CCDC88C: variants seen among roughly 807,000 people sequenced by gnomAD.
CCDC88C encodes the protein protein Daple.
CCDC88C carries 131 observed loss-of-function variants against 198.8 expected under a neutral mutation model. The ratio of observed to expected loss-of-function variants is 0.66; its 90% confidence interval spans 0.57 to 0.76. CCDC88C has a LOEUF of 0.76. Ranked by LOEUF, CCDC88C falls within the 30% of genes least tolerant of loss-of-function variation. The pLI is 0.00. For synonymous variants in CCDC88C, 1,166 were observed against 1,114.7 expected (o/e 1.05, Z -0.92); for missense variants, 2,553 against 2,631.6 (o/e 0.97, Z 0.65).
At chr14:91,382,755 CAG>C (rs1884884997) in intron 3 of CCDC88C, among the ~76,000 whole-genome samples, 1 of 152,192 alleles carries the variant, frequency 6.6e-6, no homozygotes, top group Non-Finnish European at 1.5e-5. Flanking sequence ...ATTTTTGGCA[CAG>C]ACTCAAGCGA....
At chr14:91,295,032 G>A (rs191690155) in intron 22 of CCDC88C, among the ~76,000 whole-genome samples, 8 of 152,254 alleles carry the variant, frequency 5.3e-5, no homozygotes, top group East Asian at 1.9e-4. Flanking sequence ...ATTCCAATAC[G>A]CGACTATGAG....
chr14:91,311,232 G>A (rs1292585496), intron 15 of CCDC88C, among the ~76,000 whole-genome samples: 3 of 152,330 alleles, frequency 2.0e-5, no homozygotes, highest in East Asian at 1.9e-4. Context: ...GTTGGCTATC[G>A]TAGCACAGCC....
chr14:91,409,157 A>G (rs1886669989), intron 2 of CCDC88C, among the ~76,000 whole-genome samples: 2 of 150,510 alleles, frequency 1.3e-5, no homozygotes, highest in African/African-American at 2.5e-5. Context: ...TATGTGAAAT[A>G]TCAAGAAAGA....
intron 3 of CCDC88C, among the ~76,000 whole-genome samples, chr14:91,405,322 G>A (rs1214150390): frequency 6.6e-6 from 1 of 152,148 alleles, no homozygotes; most frequent in Non-Finnish European, 1.5e-5. Flanking sequence ...GCCAGAATGC[G>A]CGACCTTGAT....
At chr14:91,415,234 T>C (rs145029812) in intron 2 of CCDC88C, among the ~76,000 whole-genome samples, 1 of 152,066 alleles carries the variant, frequency 6.6e-6, no homozygotes, top group South Asian at 2.1e-4. Flanking sequence ...CGAGACAGCT[T>C]CCGGAAAACT....
chr14:91,321,603 G>A (rs2139821612), intron 12 of CCDC88C, among the ~76,000 whole-genome samples: 1 of 152,328 alleles, frequency 6.6e-6, no homozygotes, highest in African/African-American at 2.4e-5. Flanking sequence ...TGGCTATCAG[G>A]CTGCTATCCT....
chr14:91,397,366 A>C (rs1235880124), intron 3 of CCDC88C, among the ~76,000 whole-genome samples: 1 of 152,212 alleles, frequency 6.6e-6, no homozygotes, highest in Non-Finnish European at 1.5e-5. Flanking sequence ...CTGAAACAGG[A>C]GAAAAGCCCC....
At chr14:91,415,391 A>G (rs1364958494) in intron 2 of CCDC88C, among the ~76,000 whole-genome samples, 4 of 152,126 alleles carry the variant, frequency 2.6e-5, no homozygotes, top group Admixed American at 2.6e-4. Flanking sequence ...AAAAAAAAGC[A>G]AAAACCATTA....
rs770695136 is a variant in CCDC88C, at chr14:91,340,062, G to A, written c.484-38C>T. ...ATGGCAGGGCACTGCAGGGGCGGCA[G>A]AGACGGGCGCCCACTTCCCTCACAC... On this transcript the variant is annotated intron_variant, in intron 6 of 29. Transcript: ENST00000389857. 7 of 1,600,956 alleles carry A rather than the reference G, an allele frequency of 4.4e-6. No individual in the cohort carries two copies. The African/African-American group carries it at 5.4e-5, about 12-fold the overall frequency.
chr14:91,345,362 T>TTGAATTTTTAGTAGAGAC (rs1459927086), intron 4 of CCDC88C, among the ~76,000 whole-genome samples: 2 of 151,388 alleles, frequency 1.3e-5, no homozygotes, highest in Non-Finnish European at 3.0e-5. Context: ...TCTGCTATTT[T>TTGAATTTTTAGTAGAGAC]TGAATTTTTA....
intron 21 of CCDC88C, among the ~76,000 whole-genome samples, chr14:91,299,292 C>T (rs1891167869): frequency 6.6e-6 from 1 of 152,206 alleles, no homozygotes; most frequent in African/African-American, 2.4e-5. Context: ...GGACATGAAA[C>T]AGCACTTCAG....
chr14:91,349,631 C>T (rs1018011327), intron 4 of CCDC88C, among the ~76,000 whole-genome samples: 22 of 152,168 alleles, frequency 1.4e-4, no homozygotes, highest in Admixed American at 1.1e-3. Flanking sequence ...AATCCCAGGA[C>T]GGCCTGAGTC....
chr14:91,400,473 G>A (rs572541671), intron 3 of CCDC88C, among the ~76,000 whole-genome samples: 5 of 152,306 alleles, frequency 3.3e-5, no homozygotes, highest in Middle Eastern at 3.4e-3. Context: ...AAAAGCTCCC[G>A]CTGCCGACAT....
At chr14:91,282,540 C>T (rs1246090009) in intron 26 of CCDC88C, among the ~76,000 whole-genome samples, 1 of 152,148 alleles carries the variant, frequency 6.6e-6, no homozygotes, top group Non-Finnish European at 1.5e-5. Context: ...GCAATCATTT[C>T]TCTTGTCTCT....
chr14:91,408,643 G>C lies in CCDC88C; in HGVS notation c.270+16C>G. The C allele has an allele frequency of 6.7e-7, 1 of 1,495,810 alleles. No individual in the cohort carries two copies. Among genetic ancestry groups the C allele is most frequent in the Middle Eastern group, 1.7e-4 (1 of 5,792 alleles). 92.7% of individuals were successfully genotyped at this position (1,495,810 alleles called of 1,614,324 possible). A position where few individuals can be genotyped will look rare whatever the true frequency, so the allele number is the denominator to read the frequency against. ...TGGACACACATCAGAATTCCCGACA[G>C]CAGAACTGCCCTTACCTGGTAGTAG... On this transcript the variant is annotated intron_variant, in intron 3 of 29. Coordinates refer to ENST00000389857, the MANE Select transcript of CCDC88C (RefSeq NM_001080414.4).
In CCDC88C at chr14:91,381,805, C is replaced by T. The variant is rs79190905; in HGVS notation, c.271-22094G>A. Among the ~76,000 whole-genome samples, 22,566 of 150,882 alleles carry T rather than the reference C, an allele frequency of 0.15. 1,960 individuals are homozygous for T. Among genetic ancestry groups the T allele is most frequent in the Admixed American group, 0.21 (3,134 of 15,128 alleles). On this transcript the variant is annotated intron_variant, in intron 3 of 29. Transcript: ENST00000389857. This position sits in a 1 kb window ranked among gnomAD's most constrained non-coding sequence, Gnocchi z 4.2. Reference sequence around the variant, plus strand: ...GCCAAGATCGTGCCAGCCAGGGCAACGGAGCAAGACTCTGTCTCGAAAAAC... The same window carrying T: ...GCCAAGATCGTGCCAGCCAGGGCAATGGAGCAAGACTCTGTCTCGAAAAAC...
At chr14:91,285,985 T>A in intron 25 of CCDC88C, 2 of 401,730 alleles carry the variant, frequency 5.0e-6, no homozygotes, top group Non-Finnish European at 9.0e-6. Context: ...ATGAAAACAG[T>A]ACACAGTACT....
chr14:91,388,321 C>A (rs77472666), intron 3 of CCDC88C, among the ~76,000 whole-genome samples: 61 of 152,304 alleles, frequency 4.0e-4, no homozygotes, highest in Non-Finnish European at 1.0e-4. Context: ...GCCCACCCCC[C>A]GCTCCACCTC....
At chr14:91,393,311 G>T (rs905639770) in intron 3 of CCDC88C, among the ~76,000 whole-genome samples, 3 of 152,156 alleles carry the variant, frequency 2.0e-5, no homozygotes, top group African/African-American at 7.2e-5. Flanking sequence ...TATTCTGTCC[G>T]CAAGTAGGAT....
Sources: allele counts gnomAD v4.1 joint callset (sites outside exome capture counted in the v4.1 genomes callset), GRCh38; gene constraint gnomAD v4.1.1; non-coding constraint Gnocchi (gnomAD v3.1); transcripts MANE v1.5; gene names NCBI Gene and HGNC (gene_info 2026-07-23, HGNC 2026-07-21).